ARMH4: variants seen among roughly 807,000 people sequenced by gnomAD.
ARMH4 encodes the protein armadillo-like helical domain-containing protein 4.
A neutral mutation model predicts 61.9 loss-of-function variants in ARMH4; 49 were observed. The ratio of observed to expected loss-of-function variants is 0.79; its 90% CI spans 0.63 to 1.00. The LOEUF (loss-of-function observed/expected upper bound fraction) is 1.00, where lower values mean the gene tolerates loss of function less well. Ranked by LOEUF, ARMH4 falls within the 50% of genes least tolerant of loss-of-function variation. The pLI, the probability that ARMH4 is intolerant of heterozygous loss-of-function variation, is 0.00. For missense variants in ARMH4, 934 were observed against 930.0 expected (o/e 1.00, Z -0.06); for synonymous variants, 368 against 341.5 (o/e 1.08, Z -0.85).
intron 5 of ARMH4, among the ~76,000 whole-genome samples, chr14:58,023,306 G>A (rs1228719045): frequency 6.6e-6 from 1 of 152,140 alleles, no homozygotes; most frequent in African/African-American, 2.4e-5. Flanking sequence ...CTAAGGTCAT[G>A]TAATATTCTA....
intron 5 of ARMH4, among the ~76,000 whole-genome samples, chr14:58,068,951 G>A (rs1884792332): frequency 6.7e-6 from 1 of 149,858 alleles, no homozygotes; most frequent in African/African-American, 2.5e-5. Flanking sequence ...AGGTTGCAGT[G>A]AGCAAGATCG....
intron 4 of ARMH4, among the ~76,000 whole-genome samples, chr14:58,129,931 G>A (rs909791279): frequency 1.3e-5 from 2 of 152,178 alleles, no homozygotes; most frequent in African/African-American, 2.4e-5. Context: ...AAATTGAATT[G>A]TGTAGAAGAA....
intron 1 of ARMH4, among the ~76,000 whole-genome samples, chr14:58,140,275 C>CAAAAA (rs143301335): frequency 7.6e-6 from 1 of 131,358 alleles, no homozygotes; most frequent in Admixed American, 8.1e-5. Flanking sequence ...AACTCCATCT[C>CAAAAA]AAAAAAAAAA....
intron 4 of ARMH4, among the ~76,000 whole-genome samples, chr14:58,097,587 G>A (rs1483083808): frequency 6.6e-6 from 1 of 151,830 alleles, no homozygotes; most frequent in Non-Finnish European, 1.5e-5. Flanking sequence ...TTGGGAAGTG[G>A]GATATTCACC....
intron 6 of ARMH4, among the ~76,000 whole-genome samples, chr14:58,008,853 G>T (rs1399979944): frequency 6.6e-6 from 1 of 152,202 alleles, no homozygotes; most frequent in Non-Finnish European, 1.5e-5. Context: ...TTTCTGGATG[G>T]TTTCCTAAAG....
Position 58,139,061 on chromosome 14 carries a change from G to C in ARMH4, c.298C>G (p.Gln100Glu). ...FSINKETQPG[Q>E]AGLMQTERPG... The stretch of plus-strand genomic sequence containing the variant: ...CGTTCTGTTTGCATGAGCCCAGCTT[G>C]TCCAGGCTGGGTTTCTTTGTTAATC... The change falls in exon 2 of 8, where the codon CAA (glutamine) becomes GAA (glutamate). Residue 100 changes from glutamine (Q) to glutamate (E), a missense_variant. Gln to Glu is a conservative substitution (Grantham distance 29). Coordinates refer to ENST00000267485, the MANE Select transcript of ARMH4 (RefSeq NM_001001872.4). 1 of 1,614,232 alleles carries C rather than the reference G, an allele frequency of 6.2e-7. No individual in the cohort carries two copies. The highest frequency in any genetic ancestry group is 8.5e-7 in the Non-Finnish European group (1 of 1,180,046).
chr14:58,097,996 C>T (rs1885816532), intron 4 of ARMH4, among the ~76,000 whole-genome samples: 1 of 152,150 alleles, frequency 6.6e-6, no homozygotes, highest in Non-Finnish European at 1.5e-5. Flanking sequence ...ACCATGGATG[C>T]ACCTCTGAAG....
At chr14:58,011,513 A>G (rs1882405148) in intron 6 of ARMH4, among the ~76,000 whole-genome samples, 1 of 152,162 alleles carries the variant, frequency 6.6e-6, no homozygotes, top group Non-Finnish European at 1.5e-5. Context: ...GACTCCATCA[A>G]TATCTTTATG....
chr14:58,034,445 A>C (rs1326413479), intron 5 of ARMH4, among the ~76,000 whole-genome samples: 3 of 127,288 alleles, frequency 2.4e-5, no homozygotes, highest in Non-Finnish European at 3.5e-5. Context: ...GCTGCTGCAA[A>C]ATCATGCCAA....
chr14:58,111,643 CT>C (rs1247726752), intron 4 of ARMH4, among the ~76,000 whole-genome samples: 1 of 152,034 alleles, frequency 6.6e-6, no homozygotes, highest in East Asian at 1.9e-4. Context: ...GACATTTCCT[CT>C]CTTGCAGAGA....
At chr14:58,085,238 A>AAC (rs541131633) in intron 5 of ARMH4, among the ~76,000 whole-genome samples, 29 of 152,224 alleles carry the variant, frequency 1.9e-4, no homozygotes, top group African/African-American at 6.0e-4. Context: ...ATTTTGTTTT[A>AAC]ACAGTTGGAA....
chr14:58,009,520 G>T (rs572384281), intron 6 of ARMH4, among the ~76,000 whole-genome samples: 1 of 152,096 alleles, frequency 6.6e-6, no homozygotes, highest in East Asian at 1.9e-4. Context: ...AAAAACAAGA[G>T]ACAATAGGGG....
chr14:58,136,494 T>C (rs1887305435), intron 2 of ARMH4, among the ~76,000 whole-genome samples: 1 of 152,218 alleles, frequency 6.6e-6, no homozygotes, highest in Admixed American at 6.5e-5. Context: ...CTATGAAAAC[T>C]GAACAGCACA....
chr14:58,032,623 C>T (rs560980791), intron 5 of ARMH4, among the ~76,000 whole-genome samples: 70 of 152,226 alleles, frequency 4.6e-4, no homozygotes, highest in Non-Finnish European at 6.8e-4. Context: ...GTGATTTCTG[C>T]ATTTCCATCT....
chr14:58,013,158 A>G (rs2141135320), intron 5 of ARMH4, among the ~76,000 whole-genome samples: 1 of 152,346 alleles, frequency 6.6e-6, no homozygotes, highest in South Asian at 2.1e-4. Flanking sequence ...AACAGAGTGG[A>G]AAACTTTTAT....
At chr14:58,094,406 T>C (rs1368157752) in intron 5 of ARMH4, among the ~76,000 whole-genome samples, 1 of 151,744 alleles carries the variant, frequency 6.6e-6, no homozygotes, top group Non-Finnish European at 1.5e-5. Context: ...ACAGAGCTTT[T>C]TGTCCTAAGC....
At chr14:58,011,024 C>T (rs1451118234) in intron 6 of ARMH4, among the ~76,000 whole-genome samples, 1 of 151,956 alleles carries the variant, frequency 6.6e-6, no homozygotes, top group Admixed American at 6.6e-5. Flanking sequence ...GCTTTTCTTC[C>T]CCCCAAGTTT....
At chr14:58,076,519 G>A (rs1885054709) in intron 5 of ARMH4, among the ~76,000 whole-genome samples, 1 of 152,026 alleles carries the variant, frequency 6.6e-6, no homozygotes, top group South Asian at 2.1e-4. Flanking sequence ...GAATGCAGTA[G>A]CAGATCCCAA....
chr14:58,139,257 C>A lies in ARMH4; in HGVS notation c.102G>T (p.Arg34Ser), dbSNP rs779701109. 6.2e-7 allele frequency: 1 copy of A among 1,614,170 alleles called. No homozygotes were observed. Among genetic ancestry groups the A allele is most frequent in the South Asian group, 1.1e-5 (1 of 91,082 alleles). ...QCLAFPKIER[R>S]REIAHVHAEK... is the part of the protein sequence containing the mutation. ...CCGCATGAACATGTGCTATCTCCCTCCTCCTTTCTATTTTGGGGAAGGCCA... is the reference window on the plus strand; with the variant it reads ...CCGCATGAACATGTGCTATCTCCCTACTCCTTTCTATTTTGGGGAAGGCCA... Residue 34 changes from arginine to serine, a missense_variant, in exon 2 of 8, where the codon AGG becomes AGT. Physicochemically the swap from Arg to Ser is moderately radical, Grantham distance 110. Transcript: ENST00000267485.
Sources: allele counts gnomAD v4.1 joint callset (sites outside exome capture counted in the v4.1 genomes callset), GRCh38; gene constraint gnomAD v4.1.1; transcripts MANE v1.5; gene names NCBI Gene and HGNC (gene_info 2026-07-23, HGNC 2026-07-21).